CNOT6L: variants seen among roughly 807,000 people sequenced by gnomAD.
The protein encoded by CNOT6L is CCR4-NOT transcription complex subunit 6-like.
Under a neutral mutation model 64.0 loss-of-function variants are expected in CNOT6L, and 7 were observed. That is an observed-to-expected ratio of 0.11 (90% CI 0.06 to 0.21). The LOEUF (loss-of-function observed/expected upper bound fraction) is 0.21, where lower values mean the gene tolerates loss of function less well. CNOT6L is among the 10% of genes least tolerant of loss of function. The probability of loss-of-function intolerance (pLI) is 1.00; values close to 1 mark genes in which losing one functional copy is unlikely to be tolerated. For missense variants in CNOT6L, 245 were observed against 669.0 expected (o/e 0.37, Z 6.99); for synonymous variants, 193 against 243.4 (o/e 0.79, Z 1.93).
intron 1 of CNOT6L, among the ~76,000 whole-genome samples, chr4:77,780,979 A>T (rs2110080694): frequency 6.6e-6 from 1 of 152,254 alleles, no homozygotes; most frequent in Admixed American, 6.5e-5. Flanking sequence ...GCCTCTAAAA[A>T]ACATAAAAAA....
intron 7 of CNOT6L, among the ~76,000 whole-genome samples, chr4:77,743,811 A>C (rs1168073561): frequency 6.6e-6 from 1 of 151,962 alleles, no homozygotes; most frequent in Non-Finnish European, 1.5e-5. Context: ...CACGCTGGCC[A>C]GGCTGGTCTC....
intron 1 of CNOT6L, among the ~76,000 whole-genome samples, chr4:77,785,668 G>A (rs928653959): frequency 6.6e-6 from 1 of 152,050 alleles, no homozygotes; most frequent in Non-Finnish European, 1.5e-5. Context: ...ACAACATTAG[G>A]CATCAGTGAA....
rs1320875343 is a variant in CNOT6L, at chr4:77,720,551, G to A, written c.1548C>T (p.Asn516=). The change falls in exon 12 of 12, where the codon AAC becomes AAT. Residue 516 remains asparagine, a synonymous_variant. Transcript: ENST00000504123. ...TGTGAGGGTGTGGACACCCAGTGAT[G>A]TTGTTCTCAACCAGCCATTGAGGAT... The part of the protein sequence containing the change: ...PLDPQWLVEN[N]ITGCPHPHIP... The A allele has an allele frequency of 1.9e-6, 3 of 1,613,444 alleles. No individual in the cohort carries two copies. Among genetic ancestry groups the A allele is most frequent in the East Asian group, 2.2e-5 (1 of 44,876 alleles).
chr4:77,753,589 T>C (rs1725101677), intron 5 of CNOT6L, among the ~76,000 whole-genome samples: 1 of 152,052 alleles, frequency 6.6e-6, no homozygotes, highest in Non-Finnish European at 1.5e-5. Flanking sequence ...GAGAATCGCT[T>C]GAACCTGGGA....
At chr4:77,726,435 G>T in intron 10 of CNOT6L, 66 bp from the exon 11 acceptor site, 1 of 1,278,156 alleles carries the variant, frequency 7.8e-7, no homozygotes, top group Non-Finnish European at 1.1e-6. Flanking sequence ...TCACAGCCAA[G>T]ACTTGTTACC....
At chr4:77,729,748 G>GT (rs944401357) in intron 9 of CNOT6L, among the ~76,000 whole-genome samples, 348 of 147,956 alleles carry the variant, frequency 2.4e-3, no homozygotes, top group African/African-American at 7.3e-3. Flanking sequence ...TATCTCTAAG[G>GT]TTTTTTTTTT....
At chr4:77,767,351 T>C (rs1237255454) in intron 4 of CNOT6L, among the ~76,000 whole-genome samples, 1 of 152,116 alleles carries the variant, frequency 6.6e-6, no homozygotes, top group African/African-American at 2.4e-5. Context: ...CTGTTTCTTA[T>C]GTATGAGGAA....
rs1720914500 is a variant in CNOT6L, at chr4:77,717,922, A to G, written c.*2509T>C. ...AACCACATTAAAAATACACAGGATA[A>G]TGAATGGTTTGAAAGAGCGCATTTG... On this transcript the variant is annotated 3_prime_UTR_variant, in exon 12 of 12. Coordinates refer to ENST00000504123, the MANE Select transcript of CNOT6L (RefSeq NM_144571.3). The G allele has an allele frequency of 1.3e-5, 2 of 152,540 alleles. No individual in the cohort carries two copies. Among genetic ancestry groups the G allele is most frequent in the African/African-American group, 4.8e-5 (2 of 41,434 alleles). The allele number at this position is 152,540 out of a possible 1,614,324, so 9.4% of individuals were successfully genotyped here. A position where few individuals can be genotyped will look rare whatever the true frequency, so the allele number is the denominator to read the frequency against.
In CNOT6L at chr4:77,717,168, C is replaced by A. The variant is rs891397229; in HGVS notation, c.*3263G>T. ...CAGTGCTGTTGCTTAAAAGTTGACA[C>A]CAGGCACAATATTTTAAAACAAAAT... is the stretch of plus-strand genomic sequence containing the variant. On this transcript the variant is annotated 3_prime_UTR_variant, in exon 12 of 12. Coordinates refer to ENST00000504123, the MANE Select transcript of CNOT6L (RefSeq NM_144571.3). The A allele has an allele frequency of 6.6e-6, 1 of 152,386 alleles. No homozygotes were observed. The highest frequency in any genetic ancestry group is 6.6e-5 in the Admixed American group (1 of 15,216). 9.4% of individuals were successfully genotyped at this position (152,386 alleles called of 1,614,324 possible). A position where few individuals can be genotyped will look rare whatever the true frequency, so the allele number is the denominator to read the frequency against.
chr4:77,804,387 C>T (rs2110154864), intron 1 of CNOT6L, among the ~76,000 whole-genome samples: 1 of 151,636 alleles, frequency 6.6e-6, no homozygotes, highest in East Asian at 1.9e-4. Flanking sequence ...CGGTATCGTG[C>T]CACTGCACTC....
intron 9 of CNOT6L, among the ~76,000 whole-genome samples, chr4:77,730,234 T>C (rs546943850): frequency 1.3e-5 from 2 of 152,268 alleles, no homozygotes; most frequent in South Asian, 2.1e-4. Flanking sequence ...GTATCTGTTA[T>C]ATCTGACATA....
chr4:77,781,177 T>A (rs1044221380), intron 1 of CNOT6L, among the ~76,000 whole-genome samples: 2 of 151,634 alleles, frequency 1.3e-5, no homozygotes, highest in Admixed American at 6.6e-5. Flanking sequence ...CCAGGGCCTG[T>A]CAGGGGGTAG....
chr4:77,764,461 T>C (rs772451806), intron 4 of CNOT6L, among the ~76,000 whole-genome samples: 2 of 152,196 alleles, frequency 1.3e-5, no homozygotes, highest in Non-Finnish European at 2.9e-5. Context: ...ATTTCTTGGC[T>C]CTCTGCCTAT....
chr4:77,818,261 C>G (rs970892951), intron 1 of CNOT6L, among the ~76,000 whole-genome samples: 1 of 152,166 alleles, frequency 6.6e-6, no homozygotes, highest in African/African-American at 2.4e-5. Flanking sequence ...CCGAGTTAAG[C>G]AGGATGACAG....
At chr4:77,724,184 C>T (rs1721583639) in intron 11 of CNOT6L, among the ~76,000 whole-genome samples, 1 of 151,218 alleles carries the variant, frequency 6.6e-6, no homozygotes, top group African/African-American at 2.4e-5. Flanking sequence ...AAAAAAAACC[C>T]CTCAAAAATA....
Position 77,788,305 on chromosome 4 carries a change from T to C in CNOT6L, c.6-11913A>G, listed in dbSNP as rs77543992. Among the ~76,000 whole-genome samples the C allele has an allele frequency of 1.1e-3, 161 of 152,296 alleles. 2 individuals carry two copies. The highest frequency in any genetic ancestry group is 3.6e-3 in the African/African-American group (148 of 41,562). The stretch of plus-strand genomic sequence containing the variant: ...CTAAAAATTCAAACCTCCTGTACAT[T>C]ATACAAGACAAAATGAAAAGCAAGT... On this transcript the variant is annotated intron_variant, in intron 1 of 11. Transcript: ENST00000504123.
chr4:77,764,049 T>C (rs925768552), intron 4 of CNOT6L, among the ~76,000 whole-genome samples: 20 of 152,206 alleles, frequency 1.3e-4, no homozygotes, highest in African/African-American at 4.6e-4. Context: ...CCAGTATAGG[T>C]ACACATTTAT....
At chr4:77,727,354 G>A (rs916744350) in intron 10 of CNOT6L, among the ~76,000 whole-genome samples, 18 of 152,036 alleles carry the variant, frequency 1.2e-4, no homozygotes, top group African/African-American at 3.9e-4. Flanking sequence ...AGCACCTGAG[G>A]TCAGGAGTTC....
chr4:77,752,354 A>C lies in CNOT6L; in HGVS notation c.491-3970T>G, dbSNP rs116191614. On this transcript the variant is annotated intron_variant, in intron 5 of 11. Transcript: ENST00000504123. The stretch of plus-strand genomic sequence containing the variant: ...TATTGGTAATGAATAAAACCAAAGT[A>C]ATCATTAAGTACATCTAACACATTC... Among the ~76,000 whole-genome samples, 224 of 152,342 alleles carry C rather than the reference A, an allele frequency of 1.5e-3. 1 individual carries two copies. The highest frequency in any genetic ancestry group is 2.5e-3 in the Non-Finnish European group (171 of 68,016).
Sources: gnomAD v4.1 joint callset for allele counts (sites outside exome capture counted in the v4.1 genomes callset) on GRCh38, gnomAD v4.1.1 for gene constraint, MANE v1.5 for transcripts, NCBI Gene and HGNC (gene_info 2026-07-23, HGNC 2026-07-21) for gene names.